VPS13B: variants seen among roughly 807,000 people sequenced by gnomAD.
VPS13B encodes the protein vacuolar protein sorting 13 homolog B.
VPS13B carries 285 observed loss-of-function variants against 426.4 expected under a neutral mutation model. That is an observed-to-expected ratio of 0.67 (90% CI 0.61 to 0.74). The LOEUF (loss-of-function observed/expected upper bound fraction) is 0.74, where lower values mean the gene tolerates loss of function less well. Ranked by LOEUF, VPS13B falls within the 30% of genes least tolerant of loss-of-function variation. The pLI is 0.00. For missense variants in VPS13B, 4,537 were observed against 4,782.6 expected, an observed-to-expected ratio of 0.95 and a Z score of 1.51; for synonymous variants, 1,676 against 1,676.4, an observed-to-expected ratio of 1.00 and a Z score of 0.01.
chr8:99,362,228 G>A (rs551312936), intron 19 of VPS13B, among the ~76,000 whole-genome samples: 10 of 139,476 alleles, frequency 7.2e-5, no homozygotes, highest in African/African-American at 2.4e-4. Context: ...TGCAAGCTCC[G>A]CCTCCCAGTT....
intron 26 of VPS13B, among the ~76,000 whole-genome samples, chr8:99,502,603 C>T (rs1770422687): frequency 6.6e-6 from 1 of 152,142 alleles, no homozygotes; most frequent in South Asian, 2.1e-4. Context: ...AAATCCTTGA[C>T]TGATATCAAA....
At chr8:99,164,022 A>G (rs187590364) in intron 15 of VPS13B, among the ~76,000 whole-genome samples, 54 of 152,258 alleles carry the variant, frequency 3.5e-4, no homozygotes, top group Admixed American at 5.9e-4. Flanking sequence ...TGACTGCTCT[A>G]GCTACTTCCT....
At chr8:99,645,316 A>G (rs1171340554) in intron 34 of VPS13B, among the ~76,000 whole-genome samples, 1 of 152,224 alleles carries the variant, frequency 6.6e-6, no homozygotes, top group Non-Finnish European at 1.5e-5. Context: ...ATTCATGAAT[A>G]ATTCTAAAGT....
chr8:99,557,503 C>T (rs1325891397), intron 31 of VPS13B, among the ~76,000 whole-genome samples: 1 of 152,068 alleles, frequency 6.6e-6, no homozygotes, highest in Non-Finnish European at 1.5e-5. Context: ...AGTAGTAGAC[C>T]ATGGTGTATA....
rs1187286634 is a variant in VPS13B, at chr8:99,505,227, T to C, written c.4158-1910T>C. On this transcript the variant is annotated intron_variant, in intron 27 of 61. Transcript: ENST00000357162. ...GCAATAAGGCTGTTTCACTTTCTTG[T>C]CATTTGCAAGTTCTCTGGAGCAGCA... Among the ~76,000 whole-genome samples, 4 of 152,356 alleles carry C rather than the reference T, an allele frequency of 2.6e-5. No individual in the cohort carries two copies. The East Asian group carries it at 7.7e-4, about 29-fold the overall frequency.
intron 40 of VPS13B, 33 bp downstream of exon 40, chr8:99,767,003 CACT>C: frequency 2.5e-6 from 4 of 1,599,160 alleles, no homozygotes; most frequent in Non-Finnish European, 3.4e-6. Context: ...GGTAGCATTA[CACT>C]GGGAAACAAT....
chr8:99,732,052 CT>C (rs1350971450), intron 39 of VPS13B, among the ~76,000 whole-genome samples: 3 of 152,160 alleles, frequency 2.0e-5, no homozygotes, highest in African/African-American at 4.8e-5. Flanking sequence ...ATAGACCCCC[CT>C]ATAAGCCATG....
intron 21 of VPS13B, among the ~76,000 whole-genome samples, chr8:99,429,301 A>G (rs1046177419): frequency 6.6e-6 from 1 of 152,204 alleles, no homozygotes; most frequent in Admixed American, 6.5e-5. Flanking sequence ...AAAAAAAAGA[A>G]AAAGTATGTC....
At chr8:99,735,023 A>G (rs1178628964) in intron 39 of VPS13B, among the ~76,000 whole-genome samples, 4 of 152,236 alleles carry the variant, frequency 2.6e-5, no homozygotes, top group Non-Finnish European at 5.9e-5. Flanking sequence ...GAATAATCGT[A>G]GTAAATGCCA....
chr8:99,142,596 A>T (rs985613461), intron 12 of VPS13B, among the ~76,000 whole-genome samples: 1 of 152,228 alleles, frequency 6.6e-6, no homozygotes, highest in Admixed American at 6.5e-5. Flanking sequence ...ATAGACTAAG[A>T]TAATTTACTA....
At chr8:99,773,884 T>C (rs894260306) in intron 40 of VPS13B, among the ~76,000 whole-genome samples, 2 of 152,198 alleles carry the variant, frequency 1.3e-5, no homozygotes, top group Non-Finnish European at 2.9e-5. Context: ...TTTCTGCTTA[T>C]TATACATCTG....
At chr8:99,477,704 G>T (rs906357419) in intron 24 of VPS13B, among the ~76,000 whole-genome samples, 5 of 152,148 alleles carry the variant, frequency 3.3e-5, no homozygotes, top group Non-Finnish European at 7.4e-5. Context: ...AAATAGAGAA[G>T]GCTATGTATG....
chr8:99,599,585 G>A (rs531247424), intron 33 of VPS13B, among the ~76,000 whole-genome samples: 1 of 152,108 alleles, frequency 6.6e-6, no homozygotes, highest in East Asian at 1.9e-4. Context: ...AGCAACTTCT[G>A]GGCTTTTGGT....
chr8:99,121,076 A>G (rs1847908040), intron 7 of VPS13B, 101 bp from the exon 8 acceptor site: 5 of 1,030,410 alleles, frequency 4.9e-6, no homozygotes, highest in African/African-American at 4.8e-5. Context: ...TATACCTTAT[A>G]TTAGAAGGAT....
chr8:99,056,273 C>T (rs1843852903), intron 3 of VPS13B, among the ~76,000 whole-genome samples: 1 of 151,864 alleles, frequency 6.6e-6, no homozygotes, highest in Non-Finnish European at 1.5e-5. Context: ...GTTGCCCAGG[C>T]TCGTCTTGAA....
intron 21 of VPS13B, among the ~76,000 whole-genome samples, chr8:99,424,859 C>T (rs751602432): frequency 5.3e-5 from 8 of 151,956 alleles, no homozygotes; most frequent in East Asian, 1.9e-4. Flanking sequence ...ATCAAATAGA[C>T]GCAATAAAAA....
intron 33 of VPS13B, among the ~76,000 whole-genome samples, chr8:99,605,417 AT>A (rs921515248): frequency 1.3e-5 from 2 of 152,210 alleles, no homozygotes; most frequent in African/African-American, 4.8e-5. Flanking sequence ...GTAAAAAAAA[AT>A]GAGTCTAAAC....
chr8:99,014,040 C>T, intron 2 of VPS13B, 105 bp downstream of exon 2: 2 of 1,441,742 alleles, frequency 1.4e-6, no homozygotes, highest in Non-Finnish European at 1.9e-6. Flanking sequence ...CGTAACTTTT[C>T]TACTGATGTA....
At chr8:99,190,059 G>T (rs891661102) in intron 16 of VPS13B, among the ~76,000 whole-genome samples, 1 of 151,988 alleles carries the variant, frequency 6.6e-6, no homozygotes, top group Admixed American at 6.5e-5. Flanking sequence ...TTTTGGATTT[G>T]TCTATTCCTG....
Sources: gnomAD v4.1 joint callset for allele counts (sites outside exome capture counted in the v4.1 genomes callset) on GRCh38, gnomAD v4.1.1 for gene constraint, MANE v1.5 for transcripts, NCBI Gene and HGNC (gene_info 2026-07-23, HGNC 2026-07-21) for gene names.